The following CALN1 variants were observed in gnomAD, a reference collection of about 807,000 sequenced individuals.
The protein encoded by CALN1 is calcium-binding protein 8.
CALN1 carries 17 observed loss-of-function variants against 30.6 expected under a neutral mutation model. The observed-to-expected ratio is 0.56, with a 90% CI of 0.38 to 0.83. The LOEUF is 0.83. Ranked by LOEUF, CALN1 falls within the 40% of genes least tolerant of loss-of-function variation. The pLI is 0.00. For missense variants in CALN1, 291 were observed against 354.9 expected (o/e 0.82, Z 1.45); for synonymous variants, 156 against 131.4 (o/e 1.19, Z -1.28).
intron 2 of CALN1, among the ~76,000 whole-genome samples, chr7:72,347,678 C>T (rs796692517): frequency 9.8e-5 from 15 of 152,292 alleles, no homozygotes; most frequent in African/African-American, 3.4e-4. Context: ...AAAGCTAGTA[C>T]AACTTACAAT....
chr7:72,397,750 A>ACACACACC, intron 2 of CALN1, among the ~76,000 whole-genome samples: 1 of 144,322 alleles, frequency 6.9e-6, no homozygotes, highest in African/African-American at 2.5e-5. Flanking sequence ...ACACACACAC[A>ACACACACC]CCTTGCTCCA....
At chr7:72,411,254 T>C (rs1211133098) in intron 1 of CALN1, among the ~76,000 whole-genome samples, 2 of 152,346 alleles carry the variant, frequency 1.3e-5, no homozygotes, top group South Asian at 2.1e-4. Flanking sequence ...ATGGCTTAAC[T>C]ACAGAGAAAA....
the CALN1 span, among the ~76,000 whole-genome samples, chr7:72,490,928 T>A: frequency 6.6e-6 from 1 of 152,174 alleles, no homozygotes; most frequent in African/African-American, 2.4e-5. Context: ...CATTATATAA[T>A]GTATGTAATG....
At chr7:72,462,171 TATGTATG>T in the CALN1 span, among the ~76,000 whole-genome samples, 1 of 152,022 alleles carries the variant, frequency 6.6e-6, no homozygotes, top group Non-Finnish European at 1.5e-5. Flanking sequence ...TGTATGTATG[TATGTATG>T]TATTTATTTA....
intron 2 of CALN1, among the ~76,000 whole-genome samples, chr7:72,345,009 A>G (rs1210783075): frequency 1.4e-5 from 2 of 147,940 alleles, no homozygotes; most frequent in Non-Finnish European, 3.0e-5. Flanking sequence ...ATAATACATT[A>G]TATATGTACA....
chr7:72,262,859 C>T (rs766239076), intron 3 of CALN1, among the ~76,000 whole-genome samples: 1 of 152,350 alleles, frequency 6.6e-6, no homozygotes, highest in Admixed American at 6.5e-5. Context: ...AGGACAGCCA[C>T]TGCGATACAA....
intron 2 of CALN1, among the ~76,000 whole-genome samples, chr7:72,377,793 A>G (rs904705037): frequency 6.6e-6 from 1 of 152,104 alleles, no homozygotes; most frequent in Non-Finnish European, 1.5e-5. Flanking sequence ...CTCAGTCAAG[A>G]AGTTGACAAG....
chr7:72,047,664 CA>C lies in CALN1; in HGVS notation c.389-23896del, dbSNP rs1191695557. On this transcript the variant is annotated intron_variant, in intron 4 of 6. Coordinates refer to ENST00000395275, the MANE Select transcript of CALN1 (RefSeq NM_031468.4). ...AACAAGAACAATGACAATGCACCAGCAAAGTCAAAGCCTACCTGGGACGCGC... is the reference window on the plus strand; with the variant it reads ...AACAAGAACAATGACAATGCACCAGCAAGTCAAAGCCTACCTGGGACGCGC... Among the ~76,000 whole-genome samples, 7 of 152,308 alleles carry C rather than the reference CA, an allele frequency of 4.6e-5. 1 individual carries two copies. In the South Asian group the frequency reaches 1.0e-3, roughly 23 times the overall value.
chr7:72,220,148 G>A (rs1221625566), intron 3 of CALN1, among the ~76,000 whole-genome samples: 5 of 150,074 alleles, frequency 3.3e-5, no homozygotes, highest in African/African-American at 4.9e-5. Context: ...CCATTAACTC[G>A]TCATTTAGCA....
chr7:71,896,501 C>T lies in CALN1; in HGVS notation c.502-86009G>A, dbSNP rs571575431. Among the ~76,000 whole-genome samples, 292 of 152,152 alleles carry T rather than the reference C, an allele frequency of 1.9e-3. 1 individual carries two copies. The highest frequency in any genetic ancestry group is 6.6e-3 in the African/African-American group (275 of 41,508). On this transcript the variant is annotated intron_variant, in intron 5 of 6. Coordinates refer to ENST00000395275, the MANE Select transcript of CALN1 (RefSeq NM_031468.4). Reference sequence around the variant, plus strand: ...TCCCAGTTTCTCACTAAAATACTTGCGAAAGAACAAAAAACAATAAACACC... The same window carrying T: ...TCCCAGTTTCTCACTAAAATACTTGTGAAAGAACAAAAAACAATAAACACC...
chr7:72,196,041 T>G (rs577817086), intron 3 of CALN1, among the ~76,000 whole-genome samples: 1 of 152,094 alleles, frequency 6.6e-6, no homozygotes, highest in African/African-American at 2.4e-5. Flanking sequence ...GAAAGTAGAT[T>G]AGTGGCTGCC....
At chr7:72,403,555 G>T (rs774381227) in intron 1 of CALN1, 113 bp from the exon 2 acceptor site, 2 of 483,740 alleles carry the variant, frequency 4.1e-6, no homozygotes, top group Non-Finnish European at 7.3e-6. Context: ...ACAGGACAAT[G>T]GTAGAAACAC....
chr7:72,477,780 G>A, the CALN1 span, among the ~76,000 whole-genome samples: 11 of 152,002 alleles, frequency 7.2e-5, no homozygotes, highest in African/African-American at 1.9e-4. Flanking sequence ...GGCTGGTCTC[G>A]AACTCCTAGC....
the CALN1 span, among the ~76,000 whole-genome samples, chr7:72,497,338 T>A: frequency 6.6e-6 from 1 of 151,314 alleles, no homozygotes; most frequent in African/African-American, 2.4e-5. Context: ...TACTCAGGAG[T>A]CTGAGGCAGG....
At chr7:72,142,267 C>T (rs1810000595) in intron 3 of CALN1, among the ~76,000 whole-genome samples, 1 of 152,170 alleles carries the variant, frequency 6.6e-6, no homozygotes, top group Admixed American at 6.5e-5. Context: ...TCGGGTCACT[C>T]CCACCCTAAT....
At chr7:72,201,354 C>A (rs1019959557) in intron 3 of CALN1, among the ~76,000 whole-genome samples, 2 of 151,896 alleles carry the variant, frequency 1.3e-5, no homozygotes, top group African/African-American at 4.8e-5. Context: ...TTTGGGAGGC[C>A]GAGGTGGGTG....
At chr7:71,990,747 C>G (rs187087930) in intron 5 of CALN1, among the ~76,000 whole-genome samples, 10 of 152,298 alleles carry the variant, frequency 6.6e-5, no homozygotes, top group Non-Finnish European at 1.2e-4. Context: ...GCCACCACGC[C>G]CAGCCTATTC....
chr7:72,382,047 G>T (rs751354998), intron 2 of CALN1, among the ~76,000 whole-genome samples: 1 of 152,128 alleles, frequency 6.6e-6, no homozygotes, highest in Non-Finnish European at 1.5e-5. Flanking sequence ...TAACATTTTT[G>T]AAATTTATGG....
intron 5 of CALN1, among the ~76,000 whole-genome samples, chr7:71,909,080 A>G (rs1250256507): frequency 6.6e-6 from 1 of 152,158 alleles, no homozygotes; most frequent in African/African-American, 2.4e-5. Flanking sequence ...GCAGTGGTGC[A>G]GTCATAGCTG....
Sources: gnomAD v4.1 joint callset for allele counts (sites outside exome capture counted in the v4.1 genomes callset) on GRCh38, gnomAD v4.1.1 for gene constraint, MANE v1.5 for transcripts, NCBI Gene and HGNC (gene_info 2026-07-23, HGNC 2026-07-21) for gene names.